SGCZ: variants seen among roughly 807,000 people sequenced by gnomAD.
SGCZ encodes the protein zeta-sarcoglycan.
In SGCZ, 40 loss-of-function variants were observed where a neutral mutation model predicts 41.3. The ratio of observed to expected loss-of-function variants is 0.97; its 90% CI spans 0.75 to 1.26. The LOEUF (loss-of-function observed/expected upper bound fraction) is 1.26, where lower values mean the gene tolerates loss of function less well. SGCZ is among the 50% of genes most tolerant of loss of function. SGCZ has a pLI of 0.00. For missense variants in SGCZ, 552 were observed against 369.8 expected (o/e 1.49, Z -4.04); for synonymous variants, 206 against 137.5 (o/e 1.50, Z -3.49).
rs149401406 is a variant in SGCZ, at chr8:14,554,794, C to A, written c.172G>T (p.Val58Phe). The A allele has an allele frequency of 6.2e-7, 1 of 1,613,052 alleles. No homozygotes were observed. The highest frequency in any genetic ancestry group is 1.1e-5 in the South Asian group (1 of 91,050). Reference sequence around the variant, plus strand: ...ATGGCTAAGTTAACTATCATGGTAACCAACAGCAGAAGGACAAAGAAGTAT... The same window carrying A: ...ATGGCTAAGTTAACTATCATGGTAAACAACAGCAGAAGGACAAAGAAGTAT... ...CLYFFVLLLL[V>F]TMIVNLAMTI... The change falls in exon 2 of 8, where the codon GTT becomes TTT. Residue 58 changes from valine to phenylalanine, a missense_variant. By Grantham distance (50) the Val-to-Phe change is conservative (BLOSUM62 -1). Coordinates refer to ENST00000382080, the MANE Select transcript of SGCZ (RefSeq NM_139167.4).
chr8:14,133,795 T>A (rs1388297340), intron 5 of SGCZ, among the ~76,000 whole-genome samples: 2 of 152,236 alleles, frequency 1.3e-5, no homozygotes, highest in Non-Finnish European at 2.9e-5. Flanking sequence ...TTGGAGCTGC[T>A]GCTCCATCAT....
chr8:14,678,957 A>C (rs6992810), intron 1 of SGCZ, among the ~76,000 whole-genome samples: 86,042 of 152,018 alleles, frequency 0.57, 25,890 homozygotes, highest in East Asian at 0.76. Context: ...AAGATTCCAA[A>C]TACAGCATAC....
intron 4 of SGCZ, among the ~76,000 whole-genome samples, chr8:14,168,788 A>G (rs951948016): frequency 4.6e-5 from 7 of 152,192 alleles, no homozygotes; most frequent in Non-Finnish European, 8.8e-5. Context: ...AATCTGTTAT[A>G]TGAGATCCCT....
chr8:14,944,612 C>T (rs1353634031), intron 1 of SGCZ, among the ~76,000 whole-genome samples: 3 of 152,168 alleles, frequency 2.0e-5, no homozygotes, highest in Non-Finnish European at 4.4e-5. Context: ...TTATATGGGT[C>T]AGCAAGGATA....
chr8:14,639,421 G>C (rs912332887), intron 1 of SGCZ, among the ~76,000 whole-genome samples: 13 of 151,638 alleles, frequency 8.6e-5, no homozygotes, highest in African/African-American at 3.1e-4. Context: ...TCTTTAACAA[G>C]AGGGATAGAT....
At chr8:14,724,828 A>G (rs1810001108) in intron 1 of SGCZ, among the ~76,000 whole-genome samples, 1 of 152,182 alleles carries the variant, frequency 6.6e-6, no homozygotes, top group African/African-American at 2.4e-5. Context: ...TTAAACATTT[A>G]TGATTTCTTT....
intron 2 of SGCZ, among the ~76,000 whole-genome samples, chr8:14,411,804 T>C (rs182027775): frequency 1.2e-4 from 18 of 152,258 alleles, no homozygotes; most frequent in Admixed American, 7.2e-4. Context: ...ATTGAATTCA[T>C]GACACTTAAA....
At chr8:14,118,847 G>C (rs1042711170) in intron 5 of SGCZ, among the ~76,000 whole-genome samples, 4 of 152,142 alleles carry the variant, frequency 2.6e-5, no homozygotes, top group African/African-American at 9.7e-5. Flanking sequence ...GTTTTTGTCA[G>C]ATTTGTCAAA....
At chr8:15,064,613 C>T (rs1183651360) in intron 1 of SGCZ, among the ~76,000 whole-genome samples, 1 of 151,638 alleles carries the variant, frequency 6.6e-6, no homozygotes, top group Non-Finnish European at 1.5e-5. Flanking sequence ...TGAAACTCAC[C>T]AGATCACCAC....
intron 7 of SGCZ, among the ~76,000 whole-genome samples, chr8:14,096,398 T>A (rs1427945166): frequency 6.6e-6 from 1 of 151,870 alleles, no homozygotes; most frequent in South Asian, 2.1e-4. Flanking sequence ...TGTGATTGAT[T>A]GATTACATAT....
chr8:14,209,609 G>A (rs1443717253), intron 4 of SGCZ, among the ~76,000 whole-genome samples: 1 of 152,146 alleles, frequency 6.6e-6, no homozygotes, highest in East Asian at 1.9e-4. Flanking sequence ...TATAGGACAT[G>A]TTCATATTAT....
At chr8:14,590,708 G>A (rs1241906340) in intron 1 of SGCZ, among the ~76,000 whole-genome samples, 2 of 148,176 alleles carry the variant, frequency 1.3e-5, no homozygotes, top group Admixed American at 6.8e-5. Flanking sequence ...TGTATAAACA[G>A]TATATACTAT....
In SGCZ at chr8:15,237,775, C is replaced by A. The variant is rs1802189321; in HGVS notation, c.-152G>T. 1.4e-5 allele frequency: 9 copies of A among 652,880 alleles called. No homozygotes were observed. The South Asian group carries it at 1.8e-4, about 13-fold the overall frequency. The allele number at this position is 652,880 out of a possible 1,614,324, so 40.4% of individuals were successfully genotyped here. ...TTCTCCGTGGTCACGCCGCCTCCAC[C>A]GGGTTAAAAATAAGGAAAATAAATA... is the stretch of plus-strand genomic sequence containing the variant. On this transcript the variant is annotated 5_prime_UTR_variant, in exon 1 of 8. Transcript: ENST00000382080.
At chr8:14,392,021 T>C (rs927926512) in intron 2 of SGCZ, among the ~76,000 whole-genome samples, 1 of 152,082 alleles carries the variant, frequency 6.6e-6, no homozygotes, top group Non-Finnish European at 1.5e-5. Context: ...GATTACAATG[T>C]GACATGAGAT....
intron 1 of SGCZ, among the ~76,000 whole-genome samples, chr8:14,717,919 T>C (rs1809744121): frequency 6.6e-6 from 1 of 151,812 alleles, no homozygotes; most frequent in Non-Finnish European, 1.5e-5. Flanking sequence ...CAGATTTATT[T>C]CATCCCTCTA....
At chr8:14,337,786 T>A (rs1331052252) in intron 2 of SGCZ, among the ~76,000 whole-genome samples, 1 of 152,062 alleles carries the variant, frequency 6.6e-6, no homozygotes, top group Admixed American at 6.6e-5. Flanking sequence ...GTACCTCCCC[T>A]GCATGGGTCA....
At chr8:15,167,314 C>G (rs1037371111) in intron 1 of SGCZ, among the ~76,000 whole-genome samples, 1 of 152,168 alleles carries the variant, frequency 6.6e-6, no homozygotes, top group African/African-American at 2.4e-5. Flanking sequence ...CTTGCAGAGC[C>G]GAGAAAAGCC....
chr8:14,424,577 T>C (rs1799725137), intron 2 of SGCZ, among the ~76,000 whole-genome samples: 1 of 152,144 alleles, frequency 6.6e-6, no homozygotes, highest in Non-Finnish European at 1.5e-5. Context: ...TTGGAACTAC[T>C]ATATCATCTA....
chr8:14,439,622 C>T (rs1800190232), intron 2 of SGCZ, among the ~76,000 whole-genome samples: 1 of 151,438 alleles, frequency 6.6e-6, no homozygotes, highest in Non-Finnish European at 1.5e-5. Context: ...AGCTTAGCTC[C>T]ATATTAAAAA....
Sources: gnomAD v4.1 joint callset for allele counts (sites outside exome capture counted in the v4.1 genomes callset) on GRCh38, gnomAD v4.1.1 for gene constraint, MANE v1.5 for transcripts, NCBI Gene and HGNC (gene_info 2026-07-23, HGNC 2026-07-21) for gene names.